Variants in CACNA1C observed in about 807,000 individuals in gnomAD.
CACNA1C encodes calcium voltage-gated channel subunit alpha1 C.
In CACNA1C, 30 loss-of-function variants were observed where a neutral mutation model predicts 229.0. That is an observed-to-expected ratio of 0.13 (90% CI 0.10 to 0.18). The LOEUF is 0.18. Among genes scored for constraint, CACNA1C ranks in the 10% least tolerant of loss-of-function variants. The probability of loss-of-function intolerance (pLI) is 1.00; values close to 1 mark genes in which losing one functional copy is unlikely to be tolerated. For synonymous variants in CACNA1C, 1,114 were observed against 1,132.5 expected, an observed-to-expected ratio of 0.98 and a Z score of 0.33; for missense variants, 1,658 against 2,845.0, an observed-to-expected ratio of 0.58 and a Z score of 9.49.
chr12:2,362,558 G>C (rs1218719342), intron 3 of CACNA1C, among the ~76,000 whole-genome samples: 1 of 152,178 alleles, frequency 6.6e-6, no homozygotes, highest in Non-Finnish European at 1.5e-5. Context: ...TTGTTCTCCT[G>C]CTGGGGTGCA....
rs187089011 is a variant in CACNA1C, at chr12:2,226,924, C to T, written c.477+106494C>T. The stretch of plus-strand genomic sequence containing the variant: ...ATCTGAAAGGGATGCATCTGAATCC[C>T]GGTCCAGGTGGAAGATGCTAAACTG... On this transcript the variant is annotated intron_variant, in intron 3 of 46. Transcript: ENST00000399655. Among the ~76,000 whole-genome samples, 17 of 152,326 alleles carry T rather than the reference C, an allele frequency of 1.1e-4. No homozygotes were observed. In the East Asian group the frequency reaches 2.5e-3, roughly 22 times the overall value.
At chr12:2,469,399 A>G (rs1368903237) in intron 5 of CACNA1C, among the ~76,000 whole-genome samples, 3 of 152,204 alleles carry the variant, frequency 2.0e-5, no homozygotes, top group African/African-American at 4.8e-5. Context: ...CATTGTGTTG[A>G]TACTGGCAAA....
rs896710905 is a variant in CACNA1C, at chr12:2,641,838, T to C, written c.3913-6637T>C. ...CTCCCCATCCCCCCACAAAGGCTGT[T>C]TTCTACTCTGCTTAAGAGTATGGCT... On this transcript the variant is annotated intron_variant, in intron 30 of 46. Coordinates refer to ENST00000399655, the MANE Select transcript of CACNA1C (RefSeq NM_000719.7). 27 of 700,562 alleles carry C rather than the reference T, an allele frequency of 3.9e-5. No homozygotes were observed. In the Admixed American group the frequency reaches 4.6e-4, roughly 12 times the overall value. The allele number at this position is 700,562 out of a possible 1,614,324, so 43.4% of individuals were successfully genotyped here. A position where few individuals can be genotyped will look rare whatever the true frequency, so the allele number is the denominator to read the frequency against.
intron 1 of CACNA1C, among the ~76,000 whole-genome samples, chr12:2,073,201 A>G (rs2061986996): frequency 6.6e-6 from 1 of 152,210 alleles, no homozygotes; most frequent in Non-Finnish European, 1.5e-5. Flanking sequence ...TGTTTAAAAA[A>G]ACGTGGTCCA....
At chr12:2,132,189 T>C (rs2092387917) in intron 3 of CACNA1C, among the ~76,000 whole-genome samples, 1 of 145,330 alleles carries the variant, frequency 6.9e-6, no homozygotes, top group African/African-American at 2.6e-5. Flanking sequence ...GCTTATCAGC[T>C]TAAGGAGATT....
intron 29 of CACNA1C, among the ~76,000 whole-genome samples, chr12:2,627,428 TCAC>T (rs2087410138): frequency 1.3e-5 from 2 of 151,974 alleles, no homozygotes; most frequent in South Asian, 2.1e-4. Flanking sequence ...CACTGAGACT[TCAC>T]CACCACCGCC....
intron 4 of CACNA1C, among the ~76,000 whole-genome samples, chr12:2,450,333 T>C (rs1393426459): frequency 2.0e-5 from 3 of 151,820 alleles, no homozygotes; most frequent in Non-Finnish European, 4.4e-5. Flanking sequence ...GGCGGGCGGA[T>C]CACGAGGTCA....
At chr12:2,389,611 A>G (rs1021425199) in intron 3 of CACNA1C, among the ~76,000 whole-genome samples, 1 of 152,206 alleles carries the variant, frequency 6.6e-6, no homozygotes, top group Non-Finnish European at 1.5e-5. Flanking sequence ...AGAGTGGCCA[A>G]GGCTTCCTGG....
upstream of CACNA1C, chr12:2,052,912 GC>G (rs1306996511): frequency 1.1e-5 from 10 of 904,356 alleles, no homozygotes; most frequent in African/African-American, 3.6e-5. Flanking sequence ...CGGGCGGGCG[GC>G]GCGGGCAGGG....
chr12:2,141,212 G>A (rs1314713290), intron 3 of CACNA1C, among the ~76,000 whole-genome samples: 1 of 151,248 alleles, frequency 6.6e-6, no homozygotes, highest in African/African-American at 2.4e-5. Context: ...AGCATGAGGA[G>A]TTTGTTGTGA....
chr12:2,167,175 G>C (rs1171115512), intron 3 of CACNA1C, among the ~76,000 whole-genome samples: 1 of 152,228 alleles, frequency 6.6e-6, no homozygotes, highest in Non-Finnish European at 1.5e-5. Context: ...TAAGTAACTA[G>C]ACAATTATAT....
chr12:2,210,677 CCAGTT>C (rs1472352107), intron 3 of CACNA1C, among the ~76,000 whole-genome samples: 1 of 152,082 alleles, frequency 6.6e-6, no homozygotes, highest in Non-Finnish European at 1.5e-5. Context: ...GGACAGGGTC[CCAGTT>C]TCAAAGTTTA....
chr12:2,024,582 C>CT (rs1221333552), intron 1 of CACNA1C, among the ~76,000 whole-genome samples: 2 of 152,198 alleles, frequency 1.3e-5, no homozygotes, highest in Admixed American at 6.5e-5. Context: ...GCACCCATCT[C>CT]TTTTCCCTCT....
chr12:2,474,408 G>A (rs115627456), intron 5 of CACNA1C, among the ~76,000 whole-genome samples: 3 of 152,160 alleles, frequency 2.0e-5, no homozygotes, highest in African/African-American at 7.2e-5. Flanking sequence ...TTCTGGGAGT[G>A]AGTGTGGCAG....
chr12:2,376,536 A>C (rs1376969828), intron 3 of CACNA1C, among the ~76,000 whole-genome samples: 1 of 152,180 alleles, frequency 6.6e-6, no homozygotes, highest in Non-Finnish European at 1.5e-5. Flanking sequence ...GGACAGGTGG[A>C]CGAATAAATG....
intron 9 of CACNA1C, among the ~76,000 whole-genome samples, chr12:2,521,481 G>C (rs114343598): frequency 1.3e-5 from 2 of 152,302 alleles, no homozygotes; most frequent in African/African-American, 4.8e-5. Context: ...AGGGTGTGGA[G>C]CATGAAGGCC....
Position 2,608,938 on chromosome 12 carries a change from T to C in CACNA1C, c.3558+226T>C, listed in dbSNP as rs751401057. On this transcript the variant is annotated intron_variant, in intron 27 of 46. Transcript: ENST00000399655. This position sits in a 1 kb window ranked among gnomAD's most constrained non-coding sequence, Gnocchi z 4.2. Reference sequence around the variant, plus strand: ...GGCAAATGTACTCAGCCAACAAATATCTATGAAGCTTCTACTTAAGGATAC... The same window carrying C: ...GGCAAATGTACTCAGCCAACAAATACCTATGAAGCTTCTACTTAAGGATAC... 2.6e-5 allele frequency among the ~76,000 whole-genome samples: 4 copies of C among 152,168 alleles called. No homozygotes were observed. The South Asian group carries it at 8.3e-4, about 31-fold the overall frequency.
At chr12:2,265,172 G>A (rs979191352) in intron 3 of CACNA1C, among the ~76,000 whole-genome samples, 7 of 152,338 alleles carry the variant, frequency 4.6e-5, no homozygotes, top group African/African-American at 1.7e-4. Flanking sequence ...CCTGCTGGGG[G>A]TGGATAGAGT....
intron 1 of CACNA1C, among the ~76,000 whole-genome samples, chr12:1,998,318 C>T (rs537924581): frequency 3.9e-5 from 6 of 152,292 alleles, no homozygotes; most frequent in Middle Eastern, 3.4e-3. Context: ...GCCTTTTTCT[C>T]CTTCCACCAC....
Sources: gnomAD v4.1 joint callset for allele counts (sites outside exome capture counted in the v4.1 genomes callset) on GRCh38, gnomAD v4.1.1 for gene constraint, Gnocchi (gnomAD v3.1) non-coding constraint, MANE v1.5 for transcripts, NCBI Gene and HGNC (gene_info 2026-07-23, HGNC 2026-07-21) for gene names.